RAB27A: variants seen among roughly 807,000 people sequenced by gnomAD.
The protein encoded by RAB27A is ras-related protein Rab-27A.
Under a neutral mutation model 20.8 loss-of-function variants are expected in RAB27A, and 17 were observed. The ratio of observed to expected loss-of-function variants is 0.82; its 90% confidence interval spans 0.56 to 1.23. RAB27A has a LOEUF of 1.23. Ranked by LOEUF, RAB27A falls within the 50% of genes most tolerant of loss-of-function variation. The probability of loss-of-function intolerance (pLI) is 0.00; values close to 1 mark genes in which losing one functional copy is unlikely to be tolerated. For missense variants in RAB27A, 277 were observed against 266.7 expected (o/e 1.04, Z -0.27); for synonymous variants, 85 against 92.8 (o/e 0.92, Z 0.48).
intron 2 of RAB27A, among the ~76,000 whole-genome samples, chr15:55,295,190 G>A (rs2054943538): frequency 6.6e-6 from 1 of 152,052 alleles, no homozygotes; most frequent in Non-Finnish European, 1.5e-5. Flanking sequence ...GCAAGAGAAA[G>A]AGAAAGAAGG....
intron 2 of RAB27A, among the ~76,000 whole-genome samples, chr15:55,307,172 T>G (rs571018173): frequency 6.6e-6 from 1 of 152,068 alleles, no homozygotes; most frequent in African/African-American, 2.4e-5. Flanking sequence ...GTGGAATATT[T>G]CTTTTCCCTC....
At chr15:55,286,855 T>C (rs1898167586) in intron 1 of RAB27A, among the ~76,000 whole-genome samples, 2 of 150,630 alleles carry the variant, frequency 1.3e-5, no homozygotes, top group Admixed American at 6.7e-5. Context: ...ACAGAGATGA[T>C]AGAACTTGGT....
intron 1 of RAB27A, among the ~76,000 whole-genome samples, chr15:55,274,797 TATA>T (rs1897809644): frequency 1.2e-5 from 1 of 83,740 alleles, no homozygotes; most frequent in Non-Finnish European, 2.4e-5. Flanking sequence ...AAATAAATTA[TATA>T]TATATATATA....
chr15:55,226,461 C>T (rs1420014579), intron 5 of RAB27A, among the ~76,000 whole-genome samples: 1 of 152,028 alleles, frequency 6.6e-6, no homozygotes, highest in Admixed American at 6.5e-5. Flanking sequence ...TCAGCTACTT[C>T]TTTAATGCAA....
rs1897661854 is a variant in RAB27A at position 55,270,213 on chromosome 15, A to G, written c.-71T>C. The stretch of plus-strand genomic sequence containing the variant: ...GTTATGATTTTCTAAAACGTTAGAG[A>G]CTGGAGTTACCAATGCTTCAACAAT... On this transcript the variant is annotated 5_prime_UTR_variant, in exon 2 of 7. Transcript: ENST00000336787. The G allele has an allele frequency of 6.6e-6, 1 of 152,138 alleles. No homozygotes were observed. The allele number at this position is 152,138 out of a possible 1,614,324, so 9.4% of individuals were successfully genotyped here.
At chr15:55,271,192 A>G (rs1475542362) in intron 1 of RAB27A, among the ~76,000 whole-genome samples, 1 of 152,174 alleles carries the variant, frequency 6.6e-6, no homozygotes, top group East Asian at 1.9e-4. Flanking sequence ...ATGGCTCCCC[A>G]CAATCTCCAC....
chr15:55,211,348 G>T (rs1371916920), intron 6 of RAB27A, among the ~76,000 whole-genome samples: 1 of 152,064 alleles, frequency 6.6e-6, no homozygotes, highest in African/African-American at 2.4e-5. Flanking sequence ...TTTGGGAAGT[G>T]TTATCATTTT....
chr15:55,313,987 T>TAAATAAAC (rs908111119), intron 2 of RAB27A: 2 of 147,362 alleles, frequency 1.4e-5, no homozygotes, highest in African/African-American at 5.4e-5. Flanking sequence ...AATAAATAAA[T>TAAATAAAC]AAATAAATAA....
chr15:55,233,714 C>T (rs1896138575), intron 3 of RAB27A, among the ~76,000 whole-genome samples: 1 of 152,094 alleles, frequency 6.6e-6, no homozygotes, highest in Non-Finnish European at 1.5e-5. Flanking sequence ...TGAAACTATT[C>T]TAAAATTGAA....
intron 2 of RAB27A, among the ~76,000 whole-genome samples, chr15:55,268,110 T>C (rs957976485): frequency 5.3e-5 from 8 of 151,828 alleles, no homozygotes; most frequent in South Asian, 2.1e-4. Flanking sequence ...ATTCTATGGA[T>C]AAAATGCCCT....
Position 55,205,255 on chromosome 15 carries a change from T to C in RAB27A, c.*252A>G. ...TGAATCCTTGAATGATTTACTATAA[T>C]AGGCTAAGGTTGTATAAGGCACTTT... On this transcript the variant is annotated 3_prime_UTR_variant, in exon 7 of 7. Transcript: ENST00000336787. The C allele has an allele frequency of 1.9e-6, 1 of 527,746 alleles. No homozygotes were observed. Among genetic ancestry groups the C allele is most frequent in the Non-Finnish European group, 3.4e-6 (1 of 292,200 alleles). 32.7% of individuals were successfully genotyped at this position (527,746 alleles called of 1,614,324 possible).
At chr15:55,309,385 G>A (rs2055010717) in intron 2 of RAB27A, among the ~76,000 whole-genome samples, 1 of 152,210 alleles carries the variant, frequency 6.6e-6, no homozygotes, top group South Asian at 2.1e-4. Flanking sequence ...TGTAGTCACA[G>A]GCAGCAAGGA....
chr15:55,257,691 T>C (rs1304015882), intron 2 of RAB27A, among the ~76,000 whole-genome samples: 1 of 152,066 alleles, frequency 6.6e-6, no homozygotes, highest in African/African-American at 2.4e-5. Context: ...TCTGAATGTA[T>C]CTCAATGAAA....
chr15:55,246,068 G>A (rs1041392129), intron 2 of RAB27A, among the ~76,000 whole-genome samples: 13 of 151,486 alleles, frequency 8.6e-5, no homozygotes, highest in Middle Eastern at 3.5e-3. Context: ...GTGAGACTTC[G>A]TCTAAGATAT....
At position 55,221,499 on chromosome 15, in the gene RAB27A, G is replaced by A. The variant is rs369051400; in HGVS notation, c.467+2390C>T. On this transcript the variant is annotated intron_variant, in intron 6 of 6. Transcript: ENST00000336787. ...AGCAGGGGGACATTTCAGACTGGCC[G>A]GTAAGACTCTGTCAGCCTCCCCCTC... Among the ~76,000 whole-genome samples, 39 of 152,134 alleles carry A rather than the reference G, an allele frequency of 2.6e-4. No individual in the cohort carries two copies. The East Asian group carries it at 3.3e-3, about 13-fold the overall frequency.
intron 6 of RAB27A, among the ~76,000 whole-genome samples, chr15:55,218,123 G>A (rs1293454459): frequency 1.3e-5 from 2 of 152,200 alleles, no homozygotes; most frequent in South Asian, 4.1e-4. Context: ...TGGTGGTTCT[G>A]TCAAATGGCT....
chr15:55,277,057 G>A (rs1210282394), intron 1 of RAB27A, among the ~76,000 whole-genome samples: 2 of 152,184 alleles, frequency 1.3e-5, no homozygotes, highest in Non-Finnish European at 2.9e-5. Flanking sequence ...ACAAACAAAC[G>A]TAGGAACAAA....
At chr15:55,220,571 C>T (rs1895524077) in intron 6 of RAB27A, among the ~76,000 whole-genome samples, 1 of 152,000 alleles carries the variant, frequency 6.6e-6, no homozygotes, top group South Asian at 2.1e-4. Flanking sequence ...ACACCTGGCC[C>T]CAGTGATCTG....
chr15:55,257,168 A>G (rs1321797915), intron 2 of RAB27A, among the ~76,000 whole-genome samples: 3 of 152,070 alleles, frequency 2.0e-5, no homozygotes, highest in African/African-American at 7.2e-5. Flanking sequence ...TGGAATGGGC[A>G]TAAGGTGTTT....
Sources: gnomAD v4.1 joint callset for allele counts (sites outside exome capture counted in the v4.1 genomes callset) on GRCh38, gnomAD v4.1.1 for gene constraint, MANE v1.5 for transcripts, NCBI Gene and HGNC (gene_info 2026-07-23, HGNC 2026-07-21) for gene names.